The following SLC7A1 variants were observed in gnomAD, a reference collection of about 807,000 sequenced individuals.
SLC7A1 encodes the protein solute carrier family 7 member 1.
A neutral mutation model predicts 53.9 loss-of-function variants in SLC7A1; 10 were observed. The observed-to-expected ratio is 0.19, with a 90% CI of 0.11 to 0.31. The LOEUF is 0.31. SLC7A1 is among the 10% of genes least tolerant of loss of function. The probability of loss-of-function intolerance (pLI) is 1.00; values close to 1 mark genes in which losing one functional copy is unlikely to be tolerated. For synonymous variants in SLC7A1, 342 were observed against 338.7 expected (o/e 1.01, Z -0.11); for missense variants, 525 against 827.2 (o/e 0.63, Z 4.48).
At chr13:29,522,992 G>A (rs1367644958) in intron 7 of SLC7A1, among the ~76,000 whole-genome samples, 2 of 152,206 alleles carry the variant, frequency 1.3e-5, no homozygotes, top group Admixed American at 1.3e-4. Flanking sequence ...CCAGTGGCCA[G>A]ATTTAGGGAC....
intron 1 of SLC7A1, among the ~76,000 whole-genome samples, chr13:29,587,756 GC>G (rs1256691251): frequency 1.3e-5 from 2 of 152,244 alleles, no homozygotes; most frequent in Non-Finnish European, 2.9e-5. Flanking sequence ...GGTTAAGTCT[GC>G]CTGCTCGGTG....
chr13:29,577,186 T>C (rs1871446094), intron 1 of SLC7A1, among the ~76,000 whole-genome samples: 1 of 152,218 alleles, frequency 6.6e-6, no homozygotes, highest in Non-Finnish European at 1.5e-5. Context: ...TTCCTCTCCC[T>C]GCACCTCAGT....
chr13:29,548,729 A>G (rs1353722313), intron 2 of SLC7A1, among the ~76,000 whole-genome samples: 1 of 152,240 alleles, frequency 6.6e-6, no homozygotes, highest in African/African-American at 2.4e-5. Flanking sequence ...CAACTAATAT[A>G]ACACCTTTGC....
At position 29,516,288 on chromosome 13, in the gene SLC7A1, C is replaced by T. The variant is rs190805067; in HGVS notation, c.1678-42G>A. 351 of 1,287,722 alleles carry T rather than the reference C, an allele frequency of 2.7e-4. 2 individuals carry two copies. The highest frequency in any genetic ancestry group is 6.9e-5 in the Non-Finnish European group (62 of 893,966). The allele number at this position is 1,287,722 out of a possible 1,614,324, so 79.8% of individuals were successfully genotyped here. Reference sequence around the variant, plus strand: ...TGGCTTCAATCCATGGCAGTGGCGCCGGTTCCAATAGTTCAGTAAAACTGT... The same window carrying T: ...TGGCTTCAATCCATGGCAGTGGCGCTGGTTCCAATAGTTCAGTAAAACTGT... On this transcript the variant is annotated intron_variant, in intron 11 of 12. Coordinates refer to ENST00000380752, the MANE Select transcript of SLC7A1 (RefSeq NM_003045.5).
chr13:29,559,844 A>T (rs749279777), intron 1 of SLC7A1, among the ~76,000 whole-genome samples: 19 of 151,802 alleles, frequency 1.3e-4, no homozygotes, highest in South Asian at 6.2e-4. Flanking sequence ...GCCTCCCAAG[A>T]AGCTGGGACT....
At chr13:29,583,680 A>G (rs576138359) in intron 1 of SLC7A1, among the ~76,000 whole-genome samples, 8 of 152,316 alleles carry the variant, frequency 5.3e-5, no homozygotes, top group African/African-American at 1.9e-4. Context: ...CAATGCCCTC[A>G]CCTTGACTCA....
intron 2 of SLC7A1, among the ~76,000 whole-genome samples, chr13:29,551,642 T>C (rs1364239790): frequency 6.6e-6 from 1 of 152,196 alleles, no homozygotes; most frequent in Non-Finnish European, 1.5e-5. Flanking sequence ...TAAAATAGTC[T>C]GTTAAGACAG....
intron 1 of SLC7A1, among the ~76,000 whole-genome samples, chr13:29,583,073 A>G (rs1372984097): frequency 6.6e-6 from 1 of 152,200 alleles, no homozygotes; most frequent in East Asian, 1.9e-4. Flanking sequence ...TTAACTTTTC[A>G]ACTTTTTATT....
intron 2 of SLC7A1, among the ~76,000 whole-genome samples, chr13:29,546,342 T>G (rs1869923156): frequency 6.6e-6 from 1 of 152,234 alleles, no homozygotes; most frequent in African/African-American, 2.4e-5. Context: ...TTCATTTATT[T>G]AAAAAGAAAT....
intron 2 of SLC7A1, among the ~76,000 whole-genome samples, chr13:29,546,785 A>T (rs1199051314): frequency 6.6e-6 from 1 of 152,204 alleles, no homozygotes; most frequent in Non-Finnish European, 1.5e-5. Flanking sequence ...AGCTATGAAC[A>T]ATGGGGCACA....
At chr13:29,570,793 G>A (rs1308825678) in intron 1 of SLC7A1, among the ~76,000 whole-genome samples, 2 of 151,546 alleles carry the variant, frequency 1.3e-5, no homozygotes, top group Non-Finnish European at 2.9e-5. Flanking sequence ...GGGAGGTAGA[G>A]GTGGCAGTGA....
intron 1 of SLC7A1, among the ~76,000 whole-genome samples, chr13:29,567,005 C>T (rs1411363824): frequency 1.3e-5 from 2 of 152,190 alleles, no homozygotes; most frequent in Admixed American, 6.5e-5. Flanking sequence ...AGGCTCTCCA[C>T]TCTACTTGCA....
intron 1 of SLC7A1, among the ~76,000 whole-genome samples, chr13:29,568,156 G>T (rs550169481): frequency 5.9e-5 from 9 of 152,310 alleles, no homozygotes; most frequent in African/African-American, 2.2e-4. Context: ...TCTAAAACGT[G>T]GGATAATCAA....
At chr13:29,516,282 T>G in intron 11 of SLC7A1, 36 bp from the exon 12 acceptor site, 1 of 1,354,628 alleles carries the variant, frequency 7.4e-7, no homozygotes, top group South Asian at 1.2e-5. Flanking sequence ...TCCATGGCAG[T>G]GGCGCCGGTT....
At chr13:29,569,403 C>G (rs1031379597) in intron 1 of SLC7A1, among the ~76,000 whole-genome samples, 5 of 152,190 alleles carry the variant, frequency 3.3e-5, no homozygotes, top group Admixed American at 2.0e-4. Flanking sequence ...TTTATTTAAA[C>G]TCACCTCAAA....
chr13:29,548,958 C>A (rs1003300471), intron 2 of SLC7A1, among the ~76,000 whole-genome samples: 1 of 152,158 alleles, frequency 6.6e-6, no homozygotes, highest in Non-Finnish European at 1.5e-5. Flanking sequence ...CACTGGTGAC[C>A]AGAATTTCAG....
chr13:29,595,565 T>C lies in SLC7A1; in HGVS notation c.-264A>G, dbSNP rs1178560373. ...CGGGGAGAGGAGTGGAGGCTGCGGTTAGCGGGAGCCCGCGGCCGCGTGCGC... is the reference window on the plus strand; with the variant it reads ...CGGGGAGAGGAGTGGAGGCTGCGGTCAGCGGGAGCCCGCGGCCGCGTGCGC... On this transcript the variant is annotated 5_prime_UTR_variant, in exon 1 of 13. Coordinates refer to ENST00000380752, the MANE Select transcript of SLC7A1 (RefSeq NM_003045.5). 1.3e-5 allele frequency: 2 copies of C among 148,722 alleles called. No individual in the cohort carries two copies. Among genetic ancestry groups the C allele is most frequent in the East Asian group, 2.1e-4 (1 of 4,784 alleles). 9.2% of individuals were successfully genotyped at this position (148,722 alleles called of 1,614,324 possible).
intron 1 of SLC7A1, among the ~76,000 whole-genome samples, chr13:29,586,168 A>C (rs1350002432): frequency 6.6e-6 from 1 of 152,252 alleles, no homozygotes; most frequent in African/African-American, 2.4e-5. Flanking sequence ...ATTTGTACCA[A>C]AGTGCAAAAT....
intron 2 of SLC7A1, among the ~76,000 whole-genome samples, chr13:29,549,458 A>G (rs1546534): frequency 0.97 from 147,699 of 152,246 alleles, 71,838 homozygotes; most frequent in East Asian, 1. Context: ...CATCGAAGGC[A>G]CCAGACCAAT....
Sources: gnomAD v4.1 joint callset for allele counts (sites outside exome capture counted in the v4.1 genomes callset) on GRCh38, gnomAD v4.1.1 for gene constraint, MANE v1.5 for transcripts, NCBI Gene and HGNC (gene_info 2026-07-23, HGNC 2026-07-21) for gene names.